The following MYOM2 variants were observed in gnomAD, a reference collection of about 807,000 sequenced individuals.
MYOM2 encodes myomesin 2, also known as myomesin-2.
MYOM2 carries 254 observed loss-of-function variants against 187.6 expected under a neutral mutation model. The ratio of observed to expected loss-of-function variants is 1.35; its 90% CI spans 1.22 to 1.50. The LOEUF is 1.50. Among genes scored for constraint, MYOM2 ranks in the 40% most tolerant of loss-of-function variants. The probability of loss-of-function intolerance (pLI) is 0.00; values close to 1 mark genes in which losing one functional copy is unlikely to be tolerated. For missense variants in MYOM2, 2,796 were observed against 1,924.0 expected, an observed-to-expected ratio of 1.45 and a Z score of -8.48; for synonymous variants, 981 against 753.8, an observed-to-expected ratio of 1.30 and a Z score of -4.94.
In MYOM2 at chr8:2,059,222, C is replaced by T. The variant is rs763876276; in HGVS notation, c.630C>T (p.Gly210=). The change falls in exon 6 of 37, where the codon GGC becomes GGT. Residue 210 remains glycine (G), a synonymous_variant. Transcript: ENST00000262113. ...PGKYRIESNY[G]VHTLEINRAD... is the part of the protein sequence containing the mutation. ...AGTACAGGATTGAGAGCAACTATGG[C>T]GTACACACACTGGAGATCAACAGGT... is the stretch of plus-strand genomic sequence containing the variant. 33 of 1,614,000 alleles carry T rather than the reference C, an allele frequency of 2.0e-5. No homozygotes were observed. The highest frequency in any genetic ancestry group is 2.2e-5 in the East Asian group (1 of 44,894).
rs754763968 is a variant in MYOM2, at chr8:2,145,339, C to T, written c.*358C>T. 1 of 332,276 alleles carries T rather than the reference C, an allele frequency of 3.0e-6. No homozygotes were observed. Among genetic ancestry groups the T allele is most frequent in the East Asian group, 5.8e-5 (1 of 17,264 alleles). The allele number at this position is 332,276 out of a possible 1,614,324, so 20.6% of individuals were successfully genotyped here. ...GTCTGTGTGAAGCCACCGTGCTTCT[C>T]TTTGGGGGGCCGCGAGATCTAGCAT... On this transcript the variant is annotated 3_prime_UTR_variant, in exon 37 of 37. Coordinates refer to ENST00000262113, the MANE Select transcript of MYOM2 (RefSeq NM_003970.4).
At chr8:2,086,397 GTGATCT>G (rs1796059244) in intron 14 of MYOM2, among the ~76,000 whole-genome samples, 1 of 69,806 alleles carries the variant, frequency 1.4e-5, no homozygotes, top group African/African-American at 5.8e-5. Flanking sequence ...TCCCACTGTT[GTGATCT>G]CTGCGTGGCC....
At chr8:2,129,094 T>C (rs781320882) in intron 31 of MYOM2, 33 bp from the exon 32 acceptor site, 20 of 1,526,342 alleles carry the variant, frequency 1.3e-5, no homozygotes, top group African/African-American at 1.4e-5. Flanking sequence ...GGCACTCCTT[T>C]TCCTAGATCT....
At chr8:2,099,715 C>A (rs902376889) in intron 19 of MYOM2, among the ~76,000 whole-genome samples, 2 of 152,228 alleles carry the variant, frequency 1.3e-5, no homozygotes, top group African/African-American at 4.8e-5. Context: ...TCACCATGCC[C>A]TGCTAACATT....
At position 2,098,931 on chromosome 8, in the gene MYOM2, C is replaced by T. The variant is rs756018010; in HGVS notation, c.2388C>T (p.Pro796=). The T allele has an allele frequency of 1.2e-6, 2 of 1,613,372 alleles. No homozygotes were observed. Among genetic ancestry groups the T allele is most frequent in the African/African-American group, 1.3e-5 (1 of 74,950 alleles). Residue 796 remains proline, a synonymous_variant, in exon 19 of 37, where the codon CCC becomes CCT. Transcript: ENST00000262113. ...TCAACCTGGCCGGCATCGGGGAGCC[C>T]TCAGATCCCAGTGAGCACTTCAAGT... is the stretch of plus-strand genomic sequence containing the variant. ...AAVNLAGIGE[P]SDPSEHFKCE...
chr8:2,060,488 A>T (rs1818817076), intron 6 of MYOM2, among the ~76,000 whole-genome samples: 1 of 150,962 alleles, frequency 6.6e-6, no homozygotes, highest in African/African-American at 2.4e-5. Flanking sequence ...AATCCCTTCT[A>T]GGAAAACATG....
At chr8:2,086,451 G>GTGATCTCCACGTGGCCACACACTGTCA (rs1195320658) in intron 14 of MYOM2, among the ~76,000 whole-genome samples, 2 of 55,748 alleles carry the variant, frequency 3.6e-5, no homozygotes, top group East Asian at 8.2e-4. Flanking sequence ...CCCTACTGTC[G>GTGATCTCCACGTGGCCACACACTGTCA]TGATCTCCAC....
At chr8:2,062,475 A>T (rs1818883260) in intron 6 of MYOM2, among the ~76,000 whole-genome samples, 1 of 152,174 alleles carries the variant, frequency 6.6e-6, no homozygotes. Flanking sequence ...GCTGGGCTCG[A>T]CTGGGCATTA....
intron 32 of MYOM2, among the ~76,000 whole-genome samples, chr8:2,134,848 C>T (rs73657745): frequency 0.13 from 19,760 of 152,010 alleles, 2,169 homozygotes; most frequent in African/African-American, 0.28. Context: ...CATCTCATAT[C>T]TTCTGCCCCA....
At chr8:2,104,459 G>T (rs952571381) in intron 21 of MYOM2, among the ~76,000 whole-genome samples, 1 of 152,112 alleles carries the variant, frequency 6.6e-6, no homozygotes, top group Non-Finnish European at 1.5e-5. Context: ...AAAAGAATTA[G>T]CTGGGCATGG....
rs538305376 is a variant in MYOM2, at chr8:2,072,440, C to G, written c.889C>G (p.Leu297Val). The G allele has an allele frequency of 6.6e-5, 106 of 1,614,182 alleles. 1 individual carries two copies. The South Asian group carries it at 8.6e-4, about 13-fold the overall frequency. ...CAGGAGGGAAGGCGAGACGGTCACT[C>G]TCAAGTGCACCATGCTGGTGACGCC... ...TFRREGETVT[L>V]KCTMLVTPDL... is the part of the protein sequence containing the mutation. The change falls in exon 9 of 37, where the codon CTC becomes GTC. Residue 297 changes from leucine (L) to valine (V), a missense_variant. Physicochemically the swap from Leu to Val is conservative, Grantham distance 32 (BLOSUM62 1). Transcript: ENST00000262113.
At chr8:2,117,006 G>A (rs1183109801) in intron 27 of MYOM2, among the ~76,000 whole-genome samples, 14 of 152,164 alleles carry the variant, frequency 9.2e-5, no homozygotes, top group African/African-American at 2.9e-4. Context: ...CTCGTGATCC[G>A]CCCGCCTTGG....
chr8:2,084,654 A>G (rs1473915171), intron 13 of MYOM2, among the ~76,000 whole-genome samples: 2 of 152,208 alleles, frequency 1.3e-5, no homozygotes, highest in Admixed American at 6.5e-5. Flanking sequence ...CTGACTGCAA[A>G]TATTCTAGCA....
At position 2,072,332 on chromosome 8, in the gene MYOM2, CGTTTCT is replaced by C; in HGVS notation, c.794-10_794-5del. On this transcript the variant is annotated splice_polypyrimidine_tract_variant and splice_region_variant and intron_variant, in intron 8 of 36. Transcript: ENST00000262113. The stretch of plus-strand genomic sequence containing the variant: ...GCCCTTCGGCCCTGAAAGCCTCCAT[CGTTTCT>C]GTGCAGTGCCCCTGTCATCGATGAT... 1.9e-6 allele frequency: 3 copies of C among 1,612,206 alleles called. No individual in the cohort carries two copies. The highest frequency in any genetic ancestry group is 2.5e-6 in the Non-Finnish European group (3 of 1,179,216).
chr8:2,115,192 A>C (rs11783193), intron 25 of MYOM2, among the ~76,000 whole-genome samples: 94,959 of 149,978 alleles, frequency 0.63, 30,720 homozygotes, highest in African/African-American at 0.75. Context: ...CAAACAAACA[A>C]AACATAAAAA....
At chr8:2,059,993 C>G (rs12681917) in intron 6 of MYOM2, among the ~76,000 whole-genome samples, 5,479 of 152,258 alleles carry the variant, frequency 0.036, 289 homozygotes, top group South Asian at 0.18. Flanking sequence ...CCACCTGCCT[C>G]GGTCTCCCAA....
rs1206425309 is a variant in MYOM2, at chr8:2,072,485, C to T, written c.934C>T (p.Pro312Ser). The stretch of plus-strand genomic sequence containing the variant: ...GACGCCGGACCTGAAGCGGGTGCAG[C>T]CGCGCGCCGAGTGGTACCGCGATGG... ...LVTPDLKRVQ[P>S]RAEWYRDDVL... Residue 312 changes from proline to serine, a missense_variant, in exon 9 of 37, where the codon CCG (proline) becomes TCG (serine). Coordinates refer to ENST00000262113, the MANE Select transcript of MYOM2 (RefSeq NM_003970.4). The T allele has an allele frequency of 6.2e-7, 1 of 1,613,732 alleles. No individual in the cohort carries two copies. The highest frequency in any genetic ancestry group is 1.7e-5 in the Admixed American group (1 of 60,026).
At chr8:2,122,076 C>G (rs981164507) in intron 28 of MYOM2, among the ~76,000 whole-genome samples, 1 of 152,068 alleles carries the variant, frequency 6.6e-6, no homozygotes, top group Non-Finnish European at 1.5e-5. Flanking sequence ...TGGAAAGGAC[C>G]AGCAATGTAA....
At chr8:2,129,432 A>G (rs756800347) in intron 32 of MYOM2, among the ~76,000 whole-genome samples, 200 bp downstream of exon 32, 1 of 152,212 alleles carries the variant, frequency 6.6e-6, no homozygotes, top group African/African-American at 2.4e-5. Context: ...AGAAGGAGGC[A>G]GAGGAGAAAT....
Sources: allele counts gnomAD v4.1 joint callset (sites outside exome capture counted in the v4.1 genomes callset), GRCh38; gene constraint gnomAD v4.1.1; transcripts MANE v1.5; gene names NCBI Gene and HGNC (gene_info 2026-07-23, HGNC 2026-07-21).